CSMD1: variants seen among roughly 807,000 people sequenced by gnomAD.
CSMD1 encodes the protein CUB and Sushi multiple domains 1.
In CSMD1, 213 loss-of-function variants were observed where a neutral mutation model predicts 417.5. That is an observed-to-expected ratio of 0.51 (90% CI 0.46 to 0.57). The LOEUF (loss-of-function observed/expected upper bound fraction) is 0.57. Ranked by LOEUF, CSMD1 falls within the 20% of genes least tolerant of loss-of-function variation. The pLI, the probability that CSMD1 is intolerant of heterozygous loss-of-function variation, is 0.00. For synonymous variants in CSMD1, 2,862 were observed against 1,736.8 expected (o/e 1.65, Z -16.11); for missense variants, 6,923 against 4,529.7 (o/e 1.53, Z -15.17).
intron 52 of CSMD1, among the ~76,000 whole-genome samples, chr8:3,008,806 T>C (rs989118644): frequency 3.1e-4 from 47 of 152,190 alleles, no homozygotes; most frequent in African/African-American, 1.1e-3. Flanking sequence ...CCACACTGAT[T>C]GTCAGTGGTG....
chr8:4,820,137 C>T (rs1198949388), intron 1 of CSMD1, among the ~76,000 whole-genome samples: 1 of 152,114 alleles, frequency 6.6e-6, no homozygotes, highest in Non-Finnish European at 1.5e-5. Context: ...AGAATTCTTG[C>T]ACCACCTCTC....
At chr8:4,729,913 T>A (rs1487048839) in intron 1 of CSMD1, among the ~76,000 whole-genome samples, 1 of 152,220 alleles carries the variant, frequency 6.6e-6, no homozygotes, top group Non-Finnish European at 1.5e-5. Context: ...GCGGGAGTTT[T>A]GATTTTCATC....
At chr8:4,280,815 T>C (rs1358159928) in intron 3 of CSMD1, among the ~76,000 whole-genome samples, 1 of 152,210 alleles carries the variant, frequency 6.6e-6, no homozygotes, top group Non-Finnish European at 1.5e-5. Context: ...TTTTCAAAAA[T>C]GTATAAATTA....
At chr8:4,296,009 C>G (rs1052747166) in intron 3 of CSMD1, among the ~76,000 whole-genome samples, 1 of 151,884 alleles carries the variant, frequency 6.6e-6, no homozygotes, top group African/African-American at 2.4e-5. Context: ...GACTTTATCT[C>G]CAACAACATC....
chr8:4,655,452 A>G (rs563832260), intron 1 of CSMD1, among the ~76,000 whole-genome samples: 1 of 152,278 alleles, frequency 6.6e-6, no homozygotes, highest in East Asian at 1.9e-4. Context: ...GAAGTTACAG[A>G]CATGGATTCT....
intron 23 of CSMD1, among the ~76,000 whole-genome samples, chr8:3,323,664 T>C (rs760237822): frequency 1.6e-4 from 25 of 152,204 alleles, no homozygotes; most frequent in Non-Finnish European, 3.5e-4. Flanking sequence ...ACACATGACC[T>C]GGGATATGAC....
At chr8:3,814,624 C>T (rs575307559) in intron 5 of CSMD1, among the ~76,000 whole-genome samples, 41 of 152,276 alleles carry the variant, frequency 2.7e-4, no homozygotes, top group African/African-American at 8.7e-4. Flanking sequence ...GCACACAGAA[C>T]GGCCTCCCAA....
In CSMD1 at chr8:3,142,791, G is replaced by C. The variant is rs777105317; in HGVS notation, c.6032-117C>G. ...CCAGACAATCCCTCTCTGTGAGACA[G>C]AACCATGCCGTGGAGGACGGCATTC... On this transcript the variant is annotated intron_variant, in intron 40 of 69. Coordinates refer to ENST00000635120, the MANE Select transcript of CSMD1 (RefSeq NM_033225.6). The C allele has an allele frequency of 8.0e-5, 71 of 892,572 alleles. No homozygotes were observed. The Middle Eastern group carries it at 2.7e-3, about 34-fold the overall frequency. 55.3% of individuals were successfully genotyped at this position (892,572 alleles called of 1,614,324 possible). A position where few individuals can be genotyped will look rare whatever the true frequency, so the allele number is the denominator to read the frequency against.
intron 3 of CSMD1, among the ~76,000 whole-genome samples, chr8:4,236,781 CA>C (rs1446162188): frequency 1.6e-4 from 25 of 152,188 alleles, no homozygotes; most frequent in African/African-American, 5.3e-4. Flanking sequence ...ACAAGGTGGG[CA>C]ATTACTAAAT....
At chr8:4,899,884 C>G (rs374722583) in intron 1 of CSMD1, among the ~76,000 whole-genome samples, 1 of 152,154 alleles carries the variant, frequency 6.6e-6, no homozygotes, top group Non-Finnish European at 1.5e-5. Context: ...TGGGGACAAG[C>G]CTTTCAGCTG....
At chr8:3,906,603 C>A (rs1808128272) in intron 5 of CSMD1, among the ~76,000 whole-genome samples, 1 of 150,048 alleles carries the variant, frequency 6.7e-6, no homozygotes, top group African/African-American at 2.5e-5. Context: ...AAAGGTAATA[C>A]TCTAGAATCT....
chr8:3,657,406 G>A (rs1041878389), intron 7 of CSMD1, among the ~76,000 whole-genome samples: 6 of 152,008 alleles, frequency 3.9e-5, no homozygotes, highest in Admixed American at 6.6e-5. Context: ...AAGGTCTCAG[G>A]CAGCAGGTGC....
intron 2 of CSMD1, among the ~76,000 whole-genome samples, chr8:4,635,732 G>A (rs774728323): frequency 3.3e-5 from 5 of 151,910 alleles, no homozygotes; most frequent in Non-Finnish European, 5.9e-5. Context: ...AAAAGTAACT[G>A]GCTTTTAAAG....
At chr8:3,961,125 G>A (rs1299059977) in intron 5 of CSMD1, among the ~76,000 whole-genome samples, 2 of 152,076 alleles carry the variant, frequency 1.3e-5, no homozygotes, top group African/African-American at 4.8e-5. Context: ...ATTAAAAATT[G>A]CATCTCTTCT....
intron 17 of CSMD1, among the ~76,000 whole-genome samples, chr8:3,388,718 C>T (rs973071427): frequency 3.3e-5 from 5 of 152,104 alleles, no homozygotes; most frequent in African/African-American, 9.7e-5. Flanking sequence ...ATGTCTATTG[C>T]CCTAAACAAC....
At chr8:3,319,186 A>T (rs1391734682) in intron 23 of CSMD1, among the ~76,000 whole-genome samples, 3 of 152,208 alleles carry the variant, frequency 2.0e-5, no homozygotes, top group African/African-American at 7.2e-5. Context: ...TGGTCAAAAA[A>T]ATGAAACTCA....
chr8:4,932,142 C>A (rs1229161051), intron 1 of CSMD1, among the ~76,000 whole-genome samples: 6 of 152,152 alleles, frequency 3.9e-5, no homozygotes, highest in African/African-American at 1.4e-4. Flanking sequence ...TCTGTTGCTT[C>A]TAGATAAATT....
chr8:4,161,661 C>A (rs920297705), intron 3 of CSMD1, among the ~76,000 whole-genome samples: 2 of 152,168 alleles, frequency 1.3e-5, no homozygotes, highest in South Asian at 2.1e-4. Context: ...ACGTCAACAA[C>A]AGCCATAAAA....
At chr8:3,666,314 T>C (rs1019744213) in intron 7 of CSMD1, among the ~76,000 whole-genome samples, 4 of 152,230 alleles carry the variant, frequency 2.6e-5, no homozygotes, top group Non-Finnish European at 5.9e-5. Flanking sequence ...GTGAAGAATA[T>C]GCTTCAAAAG....
Sources: allele counts gnomAD v4.1 joint callset (sites outside exome capture counted in the v4.1 genomes callset), GRCh38; gene constraint gnomAD v4.1.1; transcripts MANE v1.5; gene names NCBI Gene and HGNC (gene_info 2026-07-23, HGNC 2026-07-21).